ASAP2: variants seen among roughly 807,000 people sequenced by gnomAD.
ASAP2 encodes ArfGAP with SH3 domain, ankyrin repeat and PH domain 2, also known as arf-GAP with SH3 domain, ANK repeat and PH domain-containing protein 2.
Under a neutral mutation model 131.4 loss-of-function variants are expected in ASAP2, and 45 were observed. The observed-to-expected ratio is 0.34, with a 90% confidence interval of 0.27 to 0.44. The LOEUF (loss-of-function observed/expected upper bound fraction) is 0.44. Ranked by LOEUF, ASAP2 falls within the 20% of genes least tolerant of loss-of-function variation. The pLI is 1.00. For synonymous variants in ASAP2, 510 were observed against 503.0 expected (o/e 1.01, Z -0.19); for missense variants, 1,011 against 1,297.0 (o/e 0.78, Z 3.39).
intron 16 of ASAP2, among the ~76,000 whole-genome samples, chr2:9,373,666 C>T (rs1469521688): frequency 3.9e-5 from 6 of 152,200 alleles, no homozygotes; most frequent in African/African-American, 1.2e-4. Flanking sequence ...AGTGAGAGAG[C>T]GGAGGTCAGG....
intron 1 of ASAP2, among the ~76,000 whole-genome samples, chr2:9,220,268 T>G (rs1306718870): frequency 1.3e-5 from 2 of 152,232 alleles, no homozygotes; most frequent in African/African-American, 4.8e-5. Context: ...CTTAAACTTT[T>G]TAAAGTCAGT....
intron 1 of ASAP2, among the ~76,000 whole-genome samples, chr2:9,254,208 C>CAAAAAAAAAAAAAAAAA (rs1167547534): frequency 6.4e-5 from 1 of 15,628 alleles, no homozygotes; most frequent in Non-Finnish European, 1.1e-4. Context: ...GAGACTGTCT[C>CAAAAAAAAAAAAAAAAA]AAAAAAAAAA....
intron 23 of ASAP2, 44 bp from the exon 24 acceptor site, chr2:9,393,438 G>T: frequency 6.5e-7 from 1 of 1,530,904 alleles, no homozygotes; most frequent in Non-Finnish European, 8.8e-7. Context: ...TGAGTGGGAA[G>T]CCTGGCGGCT....
intron 3 of ASAP2, among the ~76,000 whole-genome samples, chr2:9,317,699 C>T (rs548838754): frequency 2.2e-4 from 34 of 151,508 alleles, no homozygotes; most frequent in African/African-American, 7.0e-4. Context: ...AACCCTCACA[C>T]GCCCACACAC....
intron 1 of ASAP2, among the ~76,000 whole-genome samples, chr2:9,211,742 C>G (rs377452852): frequency 1.3e-5 from 2 of 152,150 alleles, no homozygotes; most frequent in East Asian, 3.8e-4. Context: ...TGGGACCAGA[C>G]CCCTCCTAGC....
chr2:9,291,733 T>C (rs1667824488), intron 2 of ASAP2, among the ~76,000 whole-genome samples: 1 of 152,146 alleles, frequency 6.6e-6, no homozygotes, highest in East Asian at 1.9e-4. Context: ...GCCTGTGGTC[T>C]GGCCTGGAGC....
At chr2:9,364,388 TC>T (rs1475560391) in intron 15 of ASAP2, among the ~76,000 whole-genome samples, 3 of 151,566 alleles carry the variant, frequency 2.0e-5, no homozygotes, top group African/African-American at 7.3e-5. Context: ...ATGCCTGTGG[TC>T]CTAGCTATCA....
At position 9,217,031 on chromosome 2, in the gene ASAP2, C is replaced by T. The variant is rs780362063; in HGVS notation, c.126+9801C>T. 3.3e-5 allele frequency among the ~76,000 whole-genome samples: 5 copies of T among 152,154 alleles called. No homozygotes were observed. The highest frequency in any genetic ancestry group is 1.3e-4 in the Admixed American group (2 of 15,278). Reference sequence around the variant, plus strand: ...TATAGGGGCCAGCAAAATTAGGCCACGGTACCAAGTTCATGGAGCTTGGAG... The same window carrying T: ...TATAGGGGCCAGCAAAATTAGGCCATGGTACCAAGTTCATGGAGCTTGGAG... On this transcript the variant is annotated intron_variant, in intron 1 of 27. Transcript: ENST00000281419. The surrounding 1 kb of genome is among the most constrained non-coding windows in gnomAD (Gnocchi z 4.0).
chr2:9,316,465 C>T (rs1365033114), intron 3 of ASAP2, among the ~76,000 whole-genome samples: 1 of 152,152 alleles, frequency 6.6e-6, no homozygotes, highest in Non-Finnish European at 1.5e-5. Flanking sequence ...GGTCCCAAGT[C>T]CCTCTTCTCG....
chr2:9,313,324 C>T (rs778089887), intron 3 of ASAP2, among the ~76,000 whole-genome samples: 9 of 152,274 alleles, frequency 5.9e-5, no homozygotes, highest in South Asian at 2.1e-4. Context: ...AATTAAATAA[C>T]GAATAATCTC....
rs550431768 is a variant in ASAP2 at position 9,398,244 on chromosome 2, T to G, written c.2685-1779T>G. Among the ~76,000 whole-genome samples the G allele has an allele frequency of 4.6e-5, 7 of 151,442 alleles. No individual in the cohort carries two copies. The East Asian group carries it at 1.4e-3, about 31-fold the overall frequency. On this transcript the variant is annotated intron_variant, in intron 24 of 27. Transcript: ENST00000281419. Reference sequence around the variant, plus strand: ...CACAAAACCAGCTGGGTGCAGTGGCTCACACCTATAATCCCAGAGCTTTGG... The same window carrying G: ...CACAAAACCAGCTGGGTGCAGTGGCGCACACCTATAATCCCAGAGCTTTGG...
At chr2:9,369,408 C>G (rs555522079) in intron 16 of ASAP2, among the ~76,000 whole-genome samples, 2 of 152,348 alleles carry the variant, frequency 1.3e-5, no homozygotes, top group East Asian at 1.9e-4. Context: ...CCATGTCACA[C>G]TAGTCTTCGA....
At chr2:9,376,808 TAA>T in intron 17 of ASAP2, 98 bp from the exon 18 acceptor site, 1 of 1,086,904 alleles carries the variant, frequency 9.2e-7, no homozygotes, top group South Asian at 1.4e-5. Context: ...AAGGGAAAGA[TAA>T]AAGACTTTTG....
chr2:9,283,772 C>G (rs1012080598), intron 2 of ASAP2, among the ~76,000 whole-genome samples: 5 of 152,334 alleles, frequency 3.3e-5, no homozygotes, highest in Middle Eastern at 3.4e-3. Context: ...TCCTGGCTTG[C>G]AGACAGCTGC....
At chr2:9,210,126 G>A (rs1661430704) in intron 1 of ASAP2, among the ~76,000 whole-genome samples, 1 of 152,166 alleles carries the variant, frequency 6.6e-6, no homozygotes, top group African/African-American at 2.4e-5. Context: ...AGGTTATAGA[G>A]CTCTGAAGTG....
In ASAP2 at chr2:9,299,475, T is replaced by C. The variant is rs142352838; in HGVS notation, c.345+2030T>C. Among the ~76,000 whole-genome samples the C allele has an allele frequency of 2.0e-5, 3 of 152,316 alleles. No individual in the cohort carries two copies. In the East Asian group the frequency reaches 5.8e-4, roughly 29 times the overall value. ...AAAAACTTTGGCTCCCATGTGTCATTTCTCTGAAACTCCTAAAGGATGTGT... is the reference window on the plus strand; with the variant it reads ...AAAAACTTTGGCTCCCATGTGTCATCTCTCTGAAACTCCTAAAGGATGTGT... On this transcript the variant is annotated intron_variant, in intron 3 of 27. Transcript: ENST00000281419.
chr2:9,262,872 C>T (rs368248643), intron 1 of ASAP2, among the ~76,000 whole-genome samples: 43 of 152,328 alleles, frequency 2.8e-4, no homozygotes, highest in East Asian at 1.5e-3. Flanking sequence ...CTCTTTCACG[C>T]GGGGTTCAGA....
chr2:9,289,965 G>T (rs538938929), intron 2 of ASAP2, among the ~76,000 whole-genome samples: 1 of 144,378 alleles, frequency 6.9e-6, no homozygotes, highest in East Asian at 2.0e-4. Context: ...GTTGGAGAAG[G>T]CGGAGGAAGT....
chr2:9,360,271 A>G (rs1672995514), intron 15 of ASAP2, among the ~76,000 whole-genome samples: 1 of 152,154 alleles, frequency 6.6e-6, no homozygotes, highest in Non-Finnish European at 1.5e-5. Flanking sequence ...GGCTCATTTG[A>G]TCTCCAGTAA....
Sources: gnomAD v4.1 joint callset for allele counts (sites outside exome capture counted in the v4.1 genomes callset) on GRCh38, gnomAD v4.1.1 for gene constraint, Gnocchi (gnomAD v3.1) non-coding constraint, MANE v1.5 for transcripts, NCBI Gene and HGNC (gene_info 2026-07-23, HGNC 2026-07-21) for gene names.